The following CIITA variants were observed in gnomAD, a reference collection of about 807,000 sequenced individuals.
CIITA encodes MHC class II transactivator.
In CIITA, 72 loss-of-function variants were observed where a neutral mutation model predicts 115.1. The ratio of observed to expected loss-of-function variants is 0.63; its 90% CI spans 0.52 to 0.76. The LOEUF (loss-of-function observed/expected upper bound fraction) is 0.76. Ranked by LOEUF, CIITA falls within the 30% of genes least tolerant of loss-of-function variation. CIITA has a pLI of 0.00. For missense variants in CIITA, 1,617 were observed against 1,463.8 expected, an observed-to-expected ratio of 1.10 and a Z score of -1.71; for synonymous variants, 763 against 635.6, an observed-to-expected ratio of 1.20 and a Z score of -3.02.
At position 10,885,453 on chromosome 16, in the gene CIITA, A is replaced by C. The variant is rs907015467; in HGVS notation, c.52+8071A>C. Among the ~76,000 whole-genome samples the C allele has an allele frequency of 2.0e-5, 3 of 152,174 alleles. No individual in the cohort carries two copies. In the South Asian group the frequency reaches 6.2e-4, roughly 32 times the overall value. On this transcript the variant is annotated intron_variant, in intron 1 of 19. Transcript: ENST00000324288. ...AGGCCCATAAGCCCCTGAGCATTGCAGTGTTGCTACATGCCTTAGTTTCCT... is the reference window on the plus strand; with the variant it reads ...AGGCCCATAAGCCCCTGAGCATTGCCGTGTTGCTACATGCCTTAGTTTCCT...
downstream of CIITA, chr16:10,939,431 T>A (rs1297985355): frequency 6.6e-6 from 1 of 152,286 alleles, no homozygotes; most frequent in African/African-American, 2.4e-5. The surrounding 1 kb of genome is among the most constrained non-coding windows in gnomAD (Gnocchi z 4.9). Context: ...AGGTCCTCCA[T>A]GGTATGGCTC....
rs149248507 is a variant in CIITA at position 10,867,847 on chromosome 16, C to T, written c.-21+1528C>T. On this transcript the variant is annotated intron_variant, in intron 1 of 5. Coordinates refer to the CIITA transcript ENST00000636238. ...CACAGCTCACTACAGCCTCCATTTG[C>T]GGTGCTTAAGTGATCCTCCCACCTC... Among the ~76,000 whole-genome samples the T allele has an allele frequency of 2.6e-4, 39 of 152,266 alleles. 1 individual carries two copies. The East Asian group carries it at 7.3e-3, about 29-fold the overall frequency.
chr16:10,889,890 A>G (rs1421527538), intron 1 of CIITA, among the ~76,000 whole-genome samples: 1 of 152,216 alleles, frequency 6.6e-6, no homozygotes, highest in Non-Finnish European at 1.5e-5. Flanking sequence ...ATTCAGATGC[A>G]AGCTCCTAAA....
chr16:10,890,012 G>A (rs929438386), intron 1 of CIITA, among the ~76,000 whole-genome samples: 1 of 152,178 alleles, frequency 6.6e-6, no homozygotes, highest in African/African-American at 2.4e-5. Flanking sequence ...GAACTCAGAT[G>A]GTGTGGAGGA....
rs1409635515 is a variant in CIITA, at chr16:10,932,886, A to G, written c.*9031A>G. The stretch of plus-strand genomic sequence containing the variant: ...TATTTTTTAGTAGAGATGGGGTTTC[A>G]CCATGTTGGCCAGGCTAAAATCTCA... On this transcript the variant is annotated 3_prime_UTR_variant, in exon 20 of 20. Coordinates refer to ENST00000324288, the MANE Select transcript of CIITA (RefSeq NM_000246.4). 6.6e-6 allele frequency: 1 copy of G among 151,920 alleles called. No homozygotes were observed. Among genetic ancestry groups the G allele is most frequent in the Non-Finnish European group, 1.5e-5 (1 of 67,982 alleles). 9.4% of individuals were successfully genotyped at this position (151,920 alleles called of 1,614,324 possible).
chr16:10,938,118 T>C (rs974499707), downstream of CIITA: 12 of 152,230 alleles, frequency 7.9e-5, no homozygotes, highest in African/African-American at 2.9e-4. The surrounding 1 kb of genome is among the most constrained non-coding windows in gnomAD (Gnocchi z 4.9). Context: ...CATCTCTTAC[T>C]ATATACAAGG....
At chr16:10,902,533 C>G in intron 7 of CIITA, 125 bp from the exon 8 acceptor site, 1 of 1,194,382 alleles carries the variant, frequency 8.4e-7, no homozygotes, top group East Asian at 2.4e-5. Context: ...AGGACAGAAA[C>G]AGCTACTGCT....
At chr16:10,880,110 G>T (rs991808505) in intron 1 of CIITA, among the ~76,000 whole-genome samples, 4 of 152,208 alleles carry the variant, frequency 2.6e-5, no homozygotes, top group African/African-American at 9.6e-5. Flanking sequence ...TCCAACAAAT[G>T]ATCACCTTGC....
In CIITA at chr16:10,922,151, CCT is replaced by C; in HGVS notation, c.3150-13_3150-12del. The C allele has an allele frequency of 1.2e-6, 2 of 1,613,238 alleles. No individual in the cohort carries two copies. Among genetic ancestry groups the C allele is most frequent in the Non-Finnish European group, 1.7e-6 (2 of 1,179,130 alleles). The stretch of plus-strand genomic sequence containing the variant: ...ACAGGCCTCCAATCCCTCCCCCTGG[CCT>C]CTGTTTCCGACAGCTTGTACAATAA... On this transcript the variant is annotated splice_polypyrimidine_tract_variant and intron_variant, in intron 16 of 19. Coordinates refer to ENST00000324288, the MANE Select transcript of CIITA (RefSeq NM_000246.4).
chr16:10,901,794 C>A lies in CIITA; in HGVS notation c.481+236C>A. ...GATTGTTCATAGGTTCTATTCTGCC[C>A]CAGCTCTCCGTGTGGAGGCCCTAGG... On this transcript the variant is annotated intron_variant, in intron 6 of 19. Coordinates refer to ENST00000324288, the MANE Select transcript of CIITA (RefSeq NM_000246.4). This position sits in a 1 kb window ranked among gnomAD's most constrained non-coding sequence, Gnocchi z 6.8. 1 of 675,200 alleles carries A rather than the reference C, an allele frequency of 1.5e-6. No homozygotes were observed. The highest frequency in any genetic ancestry group is 2.5e-6 in the Non-Finnish European group (1 of 394,834). The allele number at this position is 675,200 out of a possible 1,614,324, so 41.8% of individuals were successfully genotyped here.
chr16:10,905,108 T>C (rs1011571811), intron 10 of CIITA, among the ~76,000 whole-genome samples: 2 of 152,014 alleles, frequency 1.3e-5, no homozygotes, highest in African/African-American at 4.8e-5. Context: ...AGTGAGTGAG[T>C]GGATGAAGTG....
chr16:10,868,414 C>T (rs2035240881), intron 1 of CIITA, among the ~76,000 whole-genome samples: 1 of 152,186 alleles, frequency 6.6e-6, no homozygotes, highest in African/African-American at 2.4e-5. Context: ...TGTTGTTTAC[C>T]AGCTTTCCTG....
chr16:10,926,299 T>A lies in CIITA; in HGVS notation c.*2444T>A, dbSNP rs1224512368. On this transcript the variant is annotated 3_prime_UTR_variant, in exon 20 of 20. Transcript: ENST00000324288. ...CAGGTGCTGCCATCCAGGTTCAGCTTGTAAATAGCTCAGGTGTCACCCTGC... is the reference window on the plus strand; with the variant it reads ...CAGGTGCTGCCATCCAGGTTCAGCTAGTAAATAGCTCAGGTGTCACCCTGC... The A allele has an allele frequency of 1.3e-5, 2 of 152,260 alleles. No homozygotes were observed. The highest frequency in any genetic ancestry group is 4.8e-5 in the African/African-American group (2 of 41,466). 9.4% of individuals were successfully genotyped at this position (152,260 alleles called of 1,614,324 possible). A position where few individuals can be genotyped will look rare whatever the true frequency, so the allele number is the denominator to read the frequency against.
downstream of CIITA, chr16:10,937,251 C>G (rs1359987985): frequency 3.3e-5 from 5 of 152,366 alleles, no homozygotes; most frequent in African/African-American, 1.2e-4. The surrounding 1 kb of genome is among the most constrained non-coding windows in gnomAD (Gnocchi z 4.2). Flanking sequence ...CATTGTCTGT[C>G]TCTTGCTTAG....
chr16:10,941,027 G>A (rs997995533), downstream of CIITA: 1 of 152,250 alleles, frequency 6.6e-6, no homozygotes, highest in Non-Finnish European at 1.5e-5. This position sits in a 1 kb window ranked among gnomAD's most constrained non-coding sequence, Gnocchi z 6.4. Flanking sequence ...AGGCCAAAAG[G>A]AAGTACGGGC....
At position 10,935,152 on chromosome 16, in the gene CIITA, T is replaced by C. The variant is rs1352985527; in HGVS notation, c.*11297T>C. 1 of 152,184 alleles carries C rather than the reference T, an allele frequency of 6.6e-6. No homozygotes were observed. Among genetic ancestry groups the C allele is most frequent in the African/African-American group, 2.4e-5 (1 of 41,432 alleles). The allele number at this position is 152,184 out of a possible 1,614,324, so 9.4% of individuals were successfully genotyped here. A position where few individuals can be genotyped will look rare whatever the true frequency, so the allele number is the denominator to read the frequency against. ...GAGGCTTAGGAGATGAAGTCTGAGG[T>C]GTTGGTGGAGCTGGGATTTAAACCA... On this transcript the variant is annotated 3_prime_UTR_variant, in exon 20 of 20. Coordinates refer to ENST00000324288, the MANE Select transcript of CIITA (RefSeq NM_000246.4).
In CIITA at chr16:10,898,681, C is replaced by A. The variant is rs371519540; in HGVS notation, c.307C>A (p.Gln103Lys). 1.4e-4 allele frequency: 228 copies of A among 1,610,706 alleles called. No homozygotes were observed. The highest frequency in any genetic ancestry group is 1.8e-4 in the Non-Finnish European group (209 of 1,178,754). Residue 103 changes from glutamine (Q) to lysine (K), a missense_variant, in exon 4 of 20, where the codon CAG becomes AAG. Transcript: ENST00000324288. ...CCTTGTCTGGGCAGCGGAACTGGACCAGTATGTCTTCCAGGACTCCCAGCT... is the reference window on the plus strand; with the variant it reads ...CCTTGTCTGGGCAGCGGAACTGGACAAGTATGTCTTCCAGGACTCCCAGCT... ...EAYANIAELD[Q>K]YVFQDSQLEG...
intron 3 of CIITA, among the ~76,000 whole-genome samples, chr16:10,897,030 T>A (rs556368522): frequency 6.6e-6 from 1 of 152,330 alleles, no homozygotes; most frequent in Non-Finnish European, 1.5e-5. Context: ...TGTCATAGGA[T>A]TTGGGTGTTT....
intron 13 of CIITA, 53 bp downstream of exon 13, chr16:10,910,312 C>G: frequency 1.4e-6 from 2 of 1,462,138 alleles, no homozygotes; most frequent in Non-Finnish European, 1.9e-6. Context: ...TCCCCTGCAG[C>G]ATTAGCTGGG....
Sources: gnomAD v4.1 joint callset for allele counts (sites outside exome capture counted in the v4.1 genomes callset) on GRCh38, gnomAD v4.1.1 for gene constraint, Gnocchi (gnomAD v3.1) non-coding constraint, MANE v1.5 for transcripts, NCBI Gene and HGNC (gene_info 2026-07-23, HGNC 2026-07-21) for gene names.